Variants in AK7 observed in about 807,000 individuals in gnomAD.
The protein encoded by AK7 is adenylate kinase 7.
A neutral mutation model predicts 96.6 loss-of-function variants in AK7; 78 were observed. That is an observed-to-expected ratio of 0.81 (90% CI 0.67 to 0.97). The LOEUF (loss-of-function observed/expected upper bound fraction) is 0.97. Ranked by LOEUF, AK7 falls within the 50% of genes least tolerant of loss-of-function variation. The pLI is 0.00. For synonymous variants in AK7, 302 were observed against 317.2 expected (o/e 0.95, Z 0.51); for missense variants, 855 against 887.9 (o/e 0.96, Z 0.47).
At chr14:96,424,557 A>G (rs1428243572) in intron 5 of AK7, among the ~76,000 whole-genome samples, 2 of 152,116 alleles carry the variant, frequency 1.3e-5, no homozygotes, top group Non-Finnish European at 2.9e-5. Flanking sequence ...GACCAGCGCT[A>G]AGTGAACGCT....
intron 4 of AK7, among the ~76,000 whole-genome samples, chr14:96,411,385 C>T (rs1419106414): frequency 6.6e-6 from 1 of 151,848 alleles, no homozygotes; most frequent in Non-Finnish European, 1.5e-5. Flanking sequence ...GTGGTACGCG[C>T]CTGTAGTCCC....
chr14:96,472,636 C>A, intron 13 of AK7, 51 bp from the exon 14 acceptor site: 1 of 1,478,064 alleles, frequency 6.8e-7, no homozygotes, highest in South Asian at 1.2e-5. Context: ...TGCTGTGATC[C>A]ATAGTAATAA....
rs11846482 is a variant in AK7 at position 96,425,064 on chromosome 14, A to G, written c.609+4132A>G. Among the ~76,000 whole-genome samples, 854 of 152,290 alleles carry G rather than the reference A, an allele frequency of 5.6e-3. 5 individuals are homozygous for G. Among genetic ancestry groups the G allele is most frequent in the African/African-American group, 0.02 (821 of 41,552 alleles). ...AACTTTCTTACTCACTCTTTTCTAC[A>G]CCATTAATAAGATTGATTTGGCCAA... is the stretch of plus-strand genomic sequence containing the variant. On this transcript the variant is annotated intron_variant, in intron 5 of 17. Coordinates refer to ENST00000267584, the MANE Select transcript of AK7 (RefSeq NM_152327.5).
chr14:96,454,678 T>G (rs1357436895), intron 10 of AK7, among the ~76,000 whole-genome samples: 1 of 146,386 alleles, frequency 6.8e-6, no homozygotes, highest in Non-Finnish European at 1.5e-5. Context: ...TTTTTTTTTT[T>G]GTAGAGACAG....
rs115005839 is a variant in AK7, at chr14:96,479,483, T to C, written c.1753+821T>C. Among the ~76,000 whole-genome samples the C allele has an allele frequency of 8.7e-3, 1,325 of 151,962 alleles. 13 individuals are homozygous for C. The highest frequency in any genetic ancestry group is 0.03 in the African/African-American group (1,223 of 41,398). ...GCAGTGTTCTGTCCCTGTTAAATTA[T>C]TGGGCACTGGTGCTCTTCCAGACCC... On this transcript the variant is annotated intron_variant, in intron 15 of 17. Transcript: ENST00000267584.
intron 17 of AK7, chr14:96,487,863 T>C: frequency 4.4e-6 from 1 of 229,160 alleles, no homozygotes; most frequent in Non-Finnish European, 8.6e-6. Context: ...ATGTAAGATT[T>C]TTATTATTCA....
At chr14:96,450,765 T>C (rs1255735641) in intron 9 of AK7, among the ~76,000 whole-genome samples, 2 of 149,112 alleles carry the variant, frequency 1.3e-5, no homozygotes, top group African/African-American at 2.5e-5. Context: ...GGAATATTTT[T>C]CTCTTTTTTT....
intron 8 of AK7, 32 bp downstream of exon 8, chr14:96,446,639 A>G (rs1893249876): frequency 1.3e-6 from 2 of 1,597,218 alleles, no homozygotes; most frequent in Admixed American, 1.7e-5. Flanking sequence ...CTTTGATGAC[A>G]TATCGTAAAT....
At chr14:96,455,958 G>A (rs778877973) in intron 10 of AK7, among the ~76,000 whole-genome samples, 5 of 152,096 alleles carry the variant, frequency 3.3e-5, no homozygotes, top group African/African-American at 4.8e-5. Context: ...GGCACTCCCA[G>A]CCAGACGTGG....
In AK7 at chr14:96,478,515, A is replaced by AT. The variant is rs761485842; in HGVS notation, c.1607dup (p.Asn537LysfsTer4). The AT allele has an allele frequency of 6.2e-7, 1 of 1,614,162 alleles. No individual in the cohort carries two copies. The highest frequency in any genetic ancestry group is 8.5e-7 in the Non-Finnish European group (1 of 1,180,038). ...GGATGAGTTTCTGAAGGAGCGTGTG[A>AT]TAAACCTTCCTGAGAGCATCGTGGC... is the stretch of plus-strand genomic sequence containing the variant. On this transcript the variant is annotated frameshift_variant, in exon 15 of 18. Coordinates refer to ENST00000267584, the MANE Select transcript of AK7 (RefSeq NM_152327.5). LOFTEE classifies it high-confidence loss of function.
intron 4 of AK7, among the ~76,000 whole-genome samples, chr14:96,414,523 T>C (rs142429069): frequency 6.6e-6 from 1 of 152,276 alleles, no homozygotes; most frequent in African/African-American, 2.4e-5. Context: ...CATATCTGGA[T>C]GTGAAGCTTG....
intron 4 of AK7, among the ~76,000 whole-genome samples, chr14:96,409,800 C>G (rs1890931937): frequency 6.6e-6 from 1 of 152,196 alleles, no homozygotes. Flanking sequence ...ACGTTTGGTG[C>G]TCTGTTTCTG....
intron 17 of AK7, chr14:96,487,923 T>G (rs1291712308): frequency 9.7e-6 from 3 of 307,820 alleles, no homozygotes; most frequent in Non-Finnish European, 1.9e-5. Flanking sequence ...TATTTATTAT[T>G]TATTTTGATA....
intron 5 of AK7, among the ~76,000 whole-genome samples, chr14:96,425,981 T>C (rs1892007568): frequency 6.6e-6 from 1 of 152,200 alleles, no homozygotes; most frequent in African/African-American, 2.4e-5. Flanking sequence ...TCTATGTCTT[T>C]TGATTAGAGA....
At position 96,437,178 on chromosome 14, in the gene AK7, G is replaced by C. The variant is rs1892685480; in HGVS notation, c.610-657G>C. On this transcript the variant is annotated intron_variant, in intron 5 of 17. Transcript: ENST00000267584. ...AGGGAGACTATAGTCAGTAATAACT[G>C]AACTATAGATTTTTAAATAACTTAA... is the stretch of plus-strand genomic sequence containing the variant. Among the ~76,000 whole-genome samples the C allele has an allele frequency of 3.3e-5, 5 of 152,036 alleles. No homozygotes were observed. In the South Asian group the frequency reaches 1.0e-3, roughly 32 times the overall value.
rs1409089216 is a variant in AK7, at chr14:96,404,179, A to G, written c.295-578A>G. Reference sequence around the variant, plus strand: ...AAAAAAAAAAAAAAAAAAAACACCAAAAATGATCAGCAAAGCAGCAAAGTT... The same window carrying G: ...AAAAAAAAAAAAAAAAAAAACACCAGAAATGATCAGCAAAGCAGCAAAGTT... On this transcript the variant is annotated intron_variant, in intron 2 of 17. Transcript: ENST00000267584. Among the ~76,000 whole-genome samples the G allele has an allele frequency of 2.0e-5, 3 of 151,848 alleles. No individual in the cohort carries two copies. In the East Asian group the frequency reaches 5.8e-4, roughly 29 times the overall value.
At position 96,483,209 on chromosome 14, in the gene AK7, G is replaced by A. The variant is rs1230508904; in HGVS notation, c.1964G>A (p.Trp655Ter). The A allele has an allele frequency of 3.1e-6, 5 of 1,599,144 alleles. No individual in the cohort carries two copies. Among genetic ancestry groups the A allele is most frequent in the Non-Finnish European group, 8.5e-7 (1 of 1,173,218 alleles). ...GAGATGGCAGAGAAGATAGCTCGCT[G>A]GGAGGAGTGGGTGAGTGGTGAGTGT... ...AVEMAEKIAR[W>*]EEWNKRLEEV... Residue 655 changes from tryptophan to a stop codon, truncating the protein, a stop_gained, in exon 16 of 18, where the codon TGG (tryptophan) becomes TAG (stop). Transcript: ENST00000267584. LOFTEE classifies it high-confidence loss of function.
chr14:96,478,369 G>A lies in AK7; in HGVS notation c.1556-96G>A, dbSNP rs1895302048. 12 of 1,247,352 alleles carry A rather than the reference G, an allele frequency of 9.6e-6. No homozygotes were observed. The East Asian group carries it at 1.4e-4, about 15-fold the overall frequency. The allele number at this position is 1,247,352 out of a possible 1,614,324, so 77.3% of individuals were successfully genotyped here. A position where few individuals can be genotyped will look rare whatever the true frequency, so the allele number is the denominator to read the frequency against. On this transcript the variant is annotated intron_variant, in intron 14 of 17. Transcript: ENST00000267584. ...GACAGGCTATTTGTGGCAACAGGAG[G>A]TCTTGGCTGGTAACCAGGGGGCCAT...
At chr14:96,413,461 A>G (rs1027642928) in intron 4 of AK7, among the ~76,000 whole-genome samples, 7 of 152,206 alleles carry the variant, frequency 4.6e-5, no homozygotes, top group Non-Finnish European at 1.0e-4. Flanking sequence ...TCCCTTCGGC[A>G]GAGTTGCTGT....
Sources: allele counts gnomAD v4.1 joint callset (sites outside exome capture counted in the v4.1 genomes callset), GRCh38; gene constraint gnomAD v4.1.1; transcripts MANE v1.5; gene names NCBI Gene and HGNC (gene_info 2026-07-23, HGNC 2026-07-21).